Variants in TSNARE1 observed in about 807,000 individuals in gnomAD.
TSNARE1 encodes t-SNARE domain-containing protein 1.
A neutral mutation model predicts 62.0 loss-of-function variants in TSNARE1; 49 were observed. The observed-to-expected ratio is 0.79, with a 90% confidence interval of 0.63 to 1.00. The LOEUF is 1.00. TSNARE1 is among the 50% of genes least tolerant of loss of function. The pLI, the probability that TSNARE1 is intolerant of heterozygous loss-of-function variation, is 0.00. For missense variants in TSNARE1, 755 were observed against 700.1 expected, an observed-to-expected ratio of 1.08 and a Z score of -0.88; for synonymous variants, 328 against 294.4, an observed-to-expected ratio of 1.11 and a Z score of -1.17.
chr8:142,305,001 C>T (rs937087260), intron 9 of TSNARE1, among the ~76,000 whole-genome samples: 6 of 152,284 alleles, frequency 3.9e-5, no homozygotes, highest in Middle Eastern at 3.4e-3. Flanking sequence ...AAGAGGTCCC[C>T]GGGGCAGCCC....
chr8:142,270,258 A>G lies in TSNARE1; in HGVS notation c.1446+4523T>C, dbSNP rs1819402151. ...GAGTCAAAGGAGGTAATGGAGGAAGAAGGATCTGAAGACGCAGGGAAGTGC... is the reference window on the plus strand; with the variant it reads ...GAGTCAAAGGAGGTAATGGAGGAAGGAGGATCTGAAGACGCAGGGAAGTGC... On this transcript the variant is annotated intron_variant, in intron 12 of 13. Transcript: ENST00000524325. 5 of 985,284 alleles carry G rather than the reference A, an allele frequency of 5.1e-6. No homozygotes were observed. The African/African-American group carries it at 7.0e-5, about 14-fold the overall frequency. The allele number at this position is 985,284 out of a possible 1,614,324, so 61.0% of individuals were successfully genotyped here. A position where few individuals can be genotyped will look rare whatever the true frequency, so the allele number is the denominator to read the frequency against.
rs145466863 is a variant in TSNARE1, at chr8:142,241,033, C to T, written c.1447-11454G>A. 8.0e-4 allele frequency among the ~76,000 whole-genome samples: 122 copies of T among 152,242 alleles called. 1 individual carries two copies. The highest frequency in any genetic ancestry group is 2.5e-3 in the South Asian group (12 of 4,818). ...TCCTCGCCAGTGTAATTAGGCAAGA[C>T]GAAGAAGTAAAAGGCATCCAAATTG... On this transcript the variant is annotated intron_variant, in intron 12 of 13. Coordinates refer to ENST00000524325, the MANE Select transcript of TSNARE1 (RefSeq NM_145003.5).
chr8:142,243,699 T>C (rs1168450634), intron 12 of TSNARE1, among the ~76,000 whole-genome samples: 1 of 152,184 alleles, frequency 6.6e-6, no homozygotes, highest in East Asian at 1.9e-4. Flanking sequence ...ATGGTAACTC[T>C]AGTGAATAAT....
chr8:142,293,303 G>C (rs956496815), intron 10 of TSNARE1, among the ~76,000 whole-genome samples: 1 of 152,236 alleles, frequency 6.6e-6, no homozygotes, highest in Non-Finnish European at 1.5e-5. Context: ...GCAGAGGGCC[G>C]GGACGCTTGA....
intron 1 of TSNARE1, among the ~76,000 whole-genome samples, chr8:142,369,544 G>T: frequency 1.3e-5 from 2 of 152,298 alleles, no homozygotes; most frequent in Admixed American, 1.3e-4. Flanking sequence ...AACCATCAAG[G>T]AATTTAAAAT....
intron 12 of TSNARE1, among the ~76,000 whole-genome samples, chr8:142,244,039 A>G (rs1037569777): frequency 7.2e-5 from 11 of 152,336 alleles, no homozygotes; most frequent in Admixed American, 5.9e-4. Context: ...ACAAAAAATT[A>G]GCCGGGCGTG....
intron 12 of TSNARE1, among the ~76,000 whole-genome samples, chr8:142,255,488 T>C (rs141891811): frequency 0.058 from 1,511 of 26,010 alleles, 376 homozygotes; most frequent in Middle Eastern, 0.13. Context: ...ATCACCATCA[T>C]CATCACCACC....
At chr8:142,281,589 A>G (rs561270199) in intron 11 of TSNARE1, among the ~76,000 whole-genome samples, 1 of 152,008 alleles carries the variant, frequency 6.6e-6, no homozygotes, top group South Asian at 2.1e-4. Context: ...GCATGGAGTC[A>G]GAACTGGACA....
intron 12 of TSNARE1, among the ~76,000 whole-genome samples, chr8:142,252,021 C>T (rs952598820): frequency 1.4e-4 from 19 of 136,078 alleles, no homozygotes; most frequent in Non-Finnish European, 6.4e-5. Flanking sequence ...CTGCAGGGCC[C>T]GGGCACCATG....
At chr8:142,278,195 C>T (rs1008206150) in intron 11 of TSNARE1, 2 of 985,320 alleles carry the variant, frequency 2.0e-6, no homozygotes, top group Non-Finnish European at 2.4e-6. Flanking sequence ...GGCCCCTTGT[C>T]CAAGCCCAGC....
intron 1 of TSNARE1, among the ~76,000 whole-genome samples, chr8:142,384,173 C>T (rs1836959691): frequency 6.6e-6 from 1 of 152,090 alleles, no homozygotes; most frequent in Non-Finnish European, 1.5e-5. Context: ...AGGGACCATA[C>T]ACGGAGTCAC....
intron 1 of TSNARE1, among the ~76,000 whole-genome samples, chr8:142,400,123 G>C (rs1197570195): frequency 6.6e-6 from 1 of 151,626 alleles, no homozygotes; most frequent in East Asian, 2.0e-4. Context: ...TCACCTGAAG[G>C]TCAGGAGCTT....
At chr8:142,296,622 G>A (rs934522403) in intron 10 of TSNARE1, among the ~76,000 whole-genome samples, 1 of 152,152 alleles carries the variant, frequency 6.6e-6, no homozygotes, top group Non-Finnish European at 1.5e-5. Context: ...TTCTGTCAGG[G>A]CAGGGACCAA....
chr8:142,394,985 A>T (rs765070907), intron 1 of TSNARE1, among the ~76,000 whole-genome samples: 8 of 152,130 alleles, frequency 5.3e-5, no homozygotes, highest in Non-Finnish European at 8.8e-5. Flanking sequence ...AGATAGGGTG[A>T]TGGTGTCACC....
At position 142,324,797 on chromosome 8, in the gene TSNARE1, G is replaced by A. The variant is rs60454716; in HGVS notation, c.893+6104C>T. On this transcript the variant is annotated intron_variant, in intron 6 of 13. Transcript: ENST00000524325. ...ATGCCAGCTTCCAGGTGACACACTC[G>A]CCCTGGAAGGCACCCTGCTGCCCAC... is the stretch of plus-strand genomic sequence containing the variant. 9.3e-3 allele frequency among the ~76,000 whole-genome samples: 1,424 copies of A among 152,310 alleles called. 25 individuals carry two copies. The highest frequency in any genetic ancestry group is 0.032 in the African/African-American group (1,317 of 41,576).
intron 9 of TSNARE1, among the ~76,000 whole-genome samples, chr8:142,307,804 T>C (rs960416021): frequency 2.6e-5 from 4 of 152,208 alleles, no homozygotes; most frequent in Admixed American, 2.0e-4. Context: ...CGAACAGTGT[T>C]CCAAAGTGGT....
rs1016195242 is a variant in TSNARE1 at position 142,276,981 on chromosome 8, A to G, written c.1364-2118T>C. 4 of 985,238 alleles carry G rather than the reference A, an allele frequency of 4.1e-6. No homozygotes were observed. The African/African-American group carries it at 7.0e-5, about 17-fold the overall frequency. 61.0% of individuals were successfully genotyped at this position (985,238 alleles called of 1,614,324 possible). ...GCAGTGCACAGAGATGCACAAGGGG[A>G]GGGGGGCTGCTCCCGGTGCTGTGCG... On this transcript the variant is annotated intron_variant, in intron 11 of 13. Transcript: ENST00000524325.
chr8:142,265,859 A>G (rs1819111561), intron 12 of TSNARE1, among the ~76,000 whole-genome samples: 1 of 152,136 alleles, frequency 6.6e-6, no homozygotes, highest in Admixed American at 6.5e-5. Flanking sequence ...CTTGCTACCC[A>G]TATATCTACT....
At chr8:142,309,181 G>A (rs1449760145) in intron 9 of TSNARE1, among the ~76,000 whole-genome samples, 1 of 152,142 alleles carries the variant, frequency 6.6e-6, no homozygotes, top group African/African-American at 2.4e-5. Flanking sequence ...CACGCTACAG[G>A]TGCGTTCGGA....
Sources: allele counts gnomAD v4.1 joint callset (sites outside exome capture counted in the v4.1 genomes callset), GRCh38; gene constraint gnomAD v4.1.1; transcripts MANE v1.5; gene names NCBI Gene and HGNC (gene_info 2026-07-23, HGNC 2026-07-21).